Variants in PDE6A observed in about 807,000 individuals in gnomAD.
PDE6A encodes the protein phosphodiesterase 6A.
A neutral mutation model predicts 106.3 loss-of-function variants in PDE6A; 84 were observed. That is an observed-to-expected ratio of 0.79 (90% CI 0.66 to 0.95). The LOEUF is 0.95. PDE6A is among the 40% of genes least tolerant of loss of function. The probability of loss-of-function intolerance (pLI) is 0.00; values close to 1 mark genes in which losing one functional copy is unlikely to be tolerated. For missense variants in PDE6A, 1,052 were observed against 1,084.9 expected, an observed-to-expected ratio of 0.97 and a Z score of 0.43; for synonymous variants, 394 against 386.6, an observed-to-expected ratio of 1.02 and a Z score of -0.23.
chr5:149,911,582 C>A (rs1223052154), intron 6 of PDE6A, among the ~76,000 whole-genome samples: 1 of 152,178 alleles, frequency 6.6e-6, no homozygotes, highest in Non-Finnish European at 1.5e-5. Context: ...TCACACAATT[C>A]TATTTCAGAA....
chr5:149,869,483 G>A (rs1016170645), intron 17 of PDE6A, among the ~76,000 whole-genome samples: 2 of 152,030 alleles, frequency 1.3e-5, no homozygotes, highest in Admixed American at 1.3e-4. Flanking sequence ...GAAAGGGAGG[G>A]GACACGGACA....
intron 13 of PDE6A, among the ~76,000 whole-genome samples, chr5:149,889,633 C>T (rs1752466678): frequency 6.6e-6 from 1 of 151,970 alleles, no homozygotes; most frequent in Admixed American, 6.6e-5. Context: ...GGGCTGGATG[C>T]AGTGGCTCAT....
intron 5 of PDE6A, among the ~76,000 whole-genome samples, chr5:149,917,282 A>T (rs769793182): frequency 1.3e-5 from 2 of 152,272 alleles, no homozygotes; most frequent in East Asian, 1.9e-4. Context: ...ACACAAAAAA[A>T]AATTGGAAAT....
At chr5:149,918,254 T>C (rs1753611981) in intron 5 of PDE6A, among the ~76,000 whole-genome samples, 1 of 152,230 alleles carries the variant, frequency 6.6e-6, no homozygotes, top group Admixed American at 6.5e-5. Flanking sequence ...AGGTCTCTTA[T>C]TAGGAAAGTG....
At chr5:149,870,879 G>A (rs1433097711) in intron 17 of PDE6A, among the ~76,000 whole-genome samples, 6 of 118,112 alleles carry the variant, frequency 5.1e-5, no homozygotes, top group African/African-American at 2.6e-4. Context: ...GAAAGAAAGA[G>A]AAAGAAAGAA....
intron 4 of PDE6A, among the ~76,000 whole-genome samples, chr5:149,923,885 C>A (rs901656994): frequency 6.6e-6 from 1 of 152,180 alleles, no homozygotes; most frequent in African/African-American, 2.4e-5. Flanking sequence ...CCAAGCCCTC[C>A]TCATTCCTCT....
At chr5:149,869,804 C>T (rs1746557916) in intron 17 of PDE6A, among the ~76,000 whole-genome samples, 1 of 152,082 alleles carries the variant, frequency 6.6e-6, no homozygotes, top group Non-Finnish European at 1.5e-5. Flanking sequence ...GCAGCAACGG[C>T]TGGCTGCGGC....
Position 149,867,766 on chromosome 5 carries a change from G to C in PDE6A, c.2233C>G (p.Gln745Glu). ...ALLVAAEFWE[Q>E]GDLERTVLQQ... is the part of the protein sequence containing the mutation. ...AGCACCGTGCGCTCCAGGTCACCTT[G>C]TTCCCAGAATTCAGCAGCCACCAGC... is the stretch of plus-strand genomic sequence containing the variant. The change falls in exon 19 of 22, where the codon CAA becomes GAA. Residue 745 changes from glutamine (Q) to glutamate (E), a missense_variant. Physicochemically the swap from Gln to Glu is conservative, Grantham distance 29 (BLOSUM62 2). Coordinates refer to ENST00000255266, the MANE Select transcript of PDE6A (RefSeq NM_000440.3). 6.2e-7 allele frequency: 1 copy of C among 1,613,772 alleles called. No individual in the cohort carries two copies. The highest frequency in any genetic ancestry group is 1.1e-5 in the South Asian group (1 of 91,066).
chr5:149,916,021 G>A (rs542228943), intron 5 of PDE6A, among the ~76,000 whole-genome samples: 165 of 152,290 alleles, frequency 1.1e-3, no homozygotes, highest in Non-Finnish European at 2.1e-3. Flanking sequence ...CACCCAGGCT[G>A]GAGTGCAGTG....
At position 149,932,664 on chromosome 5, in the gene PDE6A, C is replaced by T. The variant is rs1017349942; in HGVS notation, c.717+1266G>A. On this transcript the variant is annotated intron_variant, in intron 3 of 21. Transcript: ENST00000255266. ...TTCGTACGAATTCGACTAATTTCTGCCATCTCAGCAGCAGTGGGAGAAGGA... is the reference window on the plus strand; with the variant it reads ...TTCGTACGAATTCGACTAATTTCTGTCATCTCAGCAGCAGTGGGAGAAGGA... The T allele has an allele frequency of 5.0e-6, 8 of 1,612,552 alleles. No homozygotes were observed. The Admixed American group carries it at 6.7e-5, about 13-fold the overall frequency.
At chr5:149,924,958 C>A (rs891040185) in intron 4 of PDE6A, among the ~76,000 whole-genome samples, 1 of 152,108 alleles carries the variant, frequency 6.6e-6, no homozygotes, top group Non-Finnish European at 1.5e-5. Flanking sequence ...GGGATCCTCA[C>A]GCCCCAAGAA....
intron 11 of PDE6A, 65 bp downstream of exon 11, chr5:149,896,646 T>C: frequency 1.2e-6 from 2 of 1,613,888 alleles, no homozygotes; most frequent in Non-Finnish European, 1.7e-6. Context: ...GAGAAACCCC[T>C]GCATGCTCAG....
At chr5:149,942,348 A>G (rs1212629471) in intron 1 of PDE6A, among the ~76,000 whole-genome samples, 3 of 152,092 alleles carry the variant, frequency 2.0e-5, no homozygotes, top group Admixed American at 1.3e-4. Flanking sequence ...CAATCCCACT[A>G]CTAACCAGCA....
chr5:149,920,706 T>C (rs1031488719), intron 5 of PDE6A, among the ~76,000 whole-genome samples: 1 of 152,042 alleles, frequency 6.6e-6, no homozygotes, highest in Non-Finnish European at 1.5e-5. Flanking sequence ...GGATTAATCA[T>C]CCACCTTTTC....
rs1760335544 is a variant in PDE6A, at chr5:149,866,467, A to AG, written c.2275-215dup. 4 of 537,420 alleles carry AG rather than the reference A, an allele frequency of 7.4e-6. No individual in the cohort carries two copies. The East Asian group carries it at 1.3e-4, about 17-fold the overall frequency. The allele number at this position is 537,420 out of a possible 1,614,324, so 33.3% of individuals were successfully genotyped here. A position where few individuals can be genotyped will look rare whatever the true frequency, so the allele number is the denominator to read the frequency against. ...AATGTGGGAAACTGCACAAAAAAAA[A>AG]GACACACTGTCTTCAGCAAATAAAT... On this transcript the variant is annotated intron_variant, in intron 19 of 21. Transcript: ENST00000255266.
chr5:149,884,921 T>G, intron 14 of PDE6A, 54 bp from the exon 15 acceptor site: 1 of 1,368,332 alleles, frequency 7.3e-7, no homozygotes. Flanking sequence ...AAATTAGGAC[T>G]AAACATCAAG....
rs774836540 is a variant in PDE6A at position 149,903,669 on chromosome 5, C to G, written c.1092G>C (p.Ala364=). The change falls in exon 8 of 22, where the codon GCG becomes GCC. Residue 364 remains alanine (A), a synonymous_variant. Transcript: ENST00000255266. ...TTACCTGAAATGCAAAAAAGTCCTC[C>G]GCAGGCGCATTCATGATGTTGCAAA... ...GLICNIMNAP[A]EDFFAFQKEP... The G allele has an allele frequency of 6.2e-7, 1 of 1,613,818 alleles. No individual in the cohort carries two copies. The highest frequency in any genetic ancestry group is 8.5e-7 in the Non-Finnish European group (1 of 1,179,794).
intron 1 of PDE6A, among the ~76,000 whole-genome samples, chr5:149,935,630 C>G (rs1754159414): frequency 6.6e-6 from 1 of 152,204 alleles, no homozygotes; most frequent in South Asian, 2.1e-4. Context: ...CCTAATGCAG[C>G]CCAGAGAAGC....
intron 1 of PDE6A, among the ~76,000 whole-genome samples, chr5:149,943,748 A>AGTACTGTGGAG (rs1257508669): frequency 6.6e-6 from 1 of 150,738 alleles, no homozygotes; most frequent in South Asian, 2.1e-4. Flanking sequence ...GTACTGTGGA[A>AGTACTGTGGAG]GTACTGTGGA....
Sources: gnomAD v4.1 joint callset for allele counts (sites outside exome capture counted in the v4.1 genomes callset) on GRCh38, gnomAD v4.1.1 for gene constraint, MANE v1.5 for transcripts, NCBI Gene and HGNC (gene_info 2026-07-23, HGNC 2026-07-21) for gene names.